The following NAALADL2 variants were observed in gnomAD, a reference collection of about 807,000 sequenced individuals.
The protein encoded by NAALADL2 is N-acetylated alpha-linked acidic dipeptidase like 2.
Under a neutral mutation model 87.2 loss-of-function variants are expected in NAALADL2, and 76 were observed. The ratio of observed to expected loss-of-function variants is 0.87; its 90% CI spans 0.72 to 1.05. The LOEUF (loss-of-function observed/expected upper bound fraction) is 1.05, where lower values mean the gene tolerates loss of function less well. NAALADL2 is among the 50% of genes least tolerant of loss of function. NAALADL2 has a pLI of 0.00. For missense variants in NAALADL2, 1,089 were observed against 945.8 expected (o/e 1.15, Z -1.99); for synonymous variants, 354 against 331.0 (o/e 1.07, Z -0.75).
chr3:174,817,182 A>G lies in NAALADL2; in HGVS notation c.-9+79436A>G, dbSNP rs551579034. The stretch of plus-strand genomic sequence containing the variant: ...AGATAATCCACAGGGATCAAATAAA[A>G]TGACAAAATAACCCACAATCTTAAT... On this transcript the variant is annotated intron_variant, in intron 3 of 3. Transcript: ENST00000434257. 2.8e-4 allele frequency among the ~76,000 whole-genome samples: 43 copies of G among 152,370 alleles called. No individual in the cohort carries two copies. In the South Asian group the frequency reaches 8.3e-3, roughly 29 times the overall value.
intron 3 of NAALADL2, among the ~76,000 whole-genome samples, chr3:174,774,137 T>C (rs918963214): frequency 2.6e-5 from 4 of 152,148 alleles, no homozygotes; most frequent in African/African-American, 7.2e-5. Flanking sequence ...CTCCTAGTTG[T>C]TGGAATCCCT....
At chr3:175,681,869 A>G (rs35500420) in intron 11 of NAALADL2, among the ~76,000 whole-genome samples, 16 of 152,178 alleles carry the variant, frequency 1.1e-4, no homozygotes, top group Non-Finnish European at 1.8e-4. Context: ...TTAAAAAGTC[A>G]AGCCCAATTT....
chr3:174,737,412 TTGTG>T (rs1451840727), intron 2 of NAALADL2, among the ~76,000 whole-genome samples: 2 of 152,210 alleles, frequency 1.3e-5, no homozygotes, highest in Admixed American at 1.3e-4. Context: ...AGAAAAGTAT[TTGTG>T]TGTTTTTGTA....
Position 174,605,374 on chromosome 3 carries a change from C to T in NAALADL2, c.-115+54737C>T, listed in dbSNP as rs184255628. ...CGAAGCAGGACGAGGCATTGCCTCA[C>T]TCGGGAAGCACAAGGGGTCAGGGAG... On this transcript the variant is annotated intron_variant, in intron 2 of 3. Transcript: ENST00000434257. 6.8e-3 allele frequency among the ~76,000 whole-genome samples: 1,028 copies of T among 152,296 alleles called. 5 individuals are homozygous for T. Among genetic ancestry groups the T allele is most frequent in the Non-Finnish European group, 0.011 (727 of 68,030 alleles).
intron 1 of NAALADL2, among the ~76,000 whole-genome samples, chr3:174,995,033 A>G (rs1040248135): frequency 6.6e-6 from 1 of 152,106 alleles, no homozygotes; most frequent in Non-Finnish European, 1.5e-5. Flanking sequence ...AGGGTTTAGA[A>G]GGCCATGTTT....
At chr3:175,791,448 C>G (rs1752764571) in intron 13 of NAALADL2, among the ~76,000 whole-genome samples, 1 of 152,006 alleles carries the variant, frequency 6.6e-6, no homozygotes, top group African/African-American at 2.4e-5. Context: ...ATTGGATGAC[C>G]CCTCCCAGGA....
intron 5 of NAALADL2, among the ~76,000 whole-genome samples, chr3:175,358,499 A>G (rs1192458467): frequency 6.6e-6 from 1 of 152,142 alleles, no homozygotes; most frequent in Non-Finnish European, 1.5e-5. Context: ...AGTTTAAAAA[A>G]AAAAAGCTAA....
chr3:174,905,186 AATG>A (rs1732820837), intron 1 of NAALADL2, among the ~76,000 whole-genome samples: 2 of 150,668 alleles, frequency 1.3e-5, no homozygotes, highest in South Asian at 4.2e-4. Flanking sequence ...TTCACATTCT[AATG>A]ATTTATTAAT....
chr3:175,037,753 A>C (rs1560502604), intron 1 of NAALADL2, among the ~76,000 whole-genome samples: 1 of 152,088 alleles, frequency 6.6e-6, no homozygotes, highest in East Asian at 1.9e-4. Context: ...TCTGGTATAC[A>C]CATCCTAGTT....
chr3:175,561,610 A>T (rs1269440912), intron 9 of NAALADL2, among the ~76,000 whole-genome samples: 1 of 152,180 alleles, frequency 6.6e-6, no homozygotes, highest in South Asian at 2.1e-4. Flanking sequence ...ACTGTATGCA[A>T]TATCTATAGA....
At chr3:175,013,301 AT>A (rs753716843) in intron 1 of NAALADL2, among the ~76,000 whole-genome samples, 40 of 72,060 alleles carry the variant, frequency 5.6e-4, no homozygotes, top group South Asian at 1.1e-3. Flanking sequence ...ATATATATAT[AT>A]TTTTTTTTTT....
At position 175,660,772 on chromosome 3, in the gene NAALADL2, T is replaced by A. The variant is rs540309222; in HGVS notation, c.1896+33386T>A. ...GAACATGTGATATTTGTCTTTCTGT[T>A]CCTAGCTTATTTCATTTAACATAAT... On this transcript the variant is annotated intron_variant, in intron 11 of 13. Coordinates refer to ENST00000454872, the MANE Select transcript of NAALADL2 (RefSeq NM_207015.3). Among the ~76,000 whole-genome samples, 570 of 152,194 alleles carry A rather than the reference T, an allele frequency of 3.7e-3. 3 individuals carry two copies. The highest frequency in any genetic ancestry group is 5.2e-3 in the Non-Finnish European group (356 of 67,952).
chr3:175,733,973 G>C (rs1163991320), intron 11 of NAALADL2, among the ~76,000 whole-genome samples: 1 of 152,208 alleles, frequency 6.6e-6, no homozygotes, highest in Middle Eastern at 3.2e-3. Context: ...TGCCCATGTG[G>C]CTTTGCAGGG....
At chr3:175,420,948 C>T (rs549725863) in intron 5 of NAALADL2, among the ~76,000 whole-genome samples, 115 of 151,988 alleles carry the variant, frequency 7.6e-4, no homozygotes, top group Middle Eastern at 3.4e-3. Flanking sequence ...CTCATAATAT[C>T]TGAGTAGAAA....
intron 2 of NAALADL2, among the ~76,000 whole-genome samples, chr3:174,612,062 T>C (rs957856610): frequency 6.6e-6 from 1 of 152,172 alleles, no homozygotes; most frequent in African/African-American, 2.4e-5. Context: ...TCACTGGATA[T>C]ACTATTCCAC....
chr3:175,326,230 C>T (rs1676185796), intron 5 of NAALADL2, among the ~76,000 whole-genome samples: 1 of 152,208 alleles, frequency 6.6e-6, no homozygotes, highest in Admixed American at 6.5e-5. Context: ...TCCTTTACTT[C>T]AGTTTTCAGT....
intron 5 of NAALADL2, among the ~76,000 whole-genome samples, chr3:175,340,003 T>C (rs1762411392): frequency 6.6e-6 from 1 of 152,164 alleles, no homozygotes; most frequent in Admixed American, 6.5e-5. Context: ...GATAATTATT[T>C]TTAGGATTTT....
chr3:174,726,061 A>G (rs890821485), intron 2 of NAALADL2, among the ~76,000 whole-genome samples: 15 of 152,062 alleles, frequency 9.9e-5, no homozygotes, highest in African/African-American at 3.4e-4. Context: ...TCCTTTCACT[A>G]CCACATTGAA....
At chr3:175,068,433 T>G (rs1479131542) in intron 1 of NAALADL2, among the ~76,000 whole-genome samples, 3 of 152,004 alleles carry the variant, frequency 2.0e-5, no homozygotes, top group Non-Finnish European at 4.4e-5. Flanking sequence ...ATTCAAAGAC[T>G]CAAGAGAATT....
Sources: gnomAD v4.1 joint callset for allele counts (sites outside exome capture counted in the v4.1 genomes callset) on GRCh38, gnomAD v4.1.1 for gene constraint, MANE v1.5 for transcripts, NCBI Gene and HGNC (gene_info 2026-07-23, HGNC 2026-07-21) for gene names.